Variants in ABCA13 observed in about 807,000 individuals in gnomAD.
ABCA13 encodes the protein ATP-binding cassette sub-family A member 13.
A neutral mutation model predicts 478.7 loss-of-function variants in ABCA13; 476 were observed. The ratio of observed to expected loss-of-function variants is 0.99; its 90% CI spans 0.92 to 1.07. The LOEUF is 1.07. ABCA13 is among the 50% of genes least tolerant of loss of function. The probability of loss-of-function intolerance (pLI) is 0.00; values close to 1 mark genes in which losing one functional copy is unlikely to be tolerated. For synonymous variants in ABCA13, 2,252 were observed against 2,158.9 expected, an observed-to-expected ratio of 1.04 and a Z score of -1.20; for missense variants, 6,060 against 5,910.6, an observed-to-expected ratio of 1.03 and a Z score of -0.83.
At chr7:48,541,533 A>G (rs1833940308) in intron 55 of ABCA13, among the ~76,000 whole-genome samples, 1 of 152,064 alleles carries the variant, frequency 6.6e-6, no homozygotes, top group Non-Finnish European at 1.5e-5. Context: ...AGAATCTAAG[A>G]TTCAGAAAAA....
At chr7:48,525,126 G>A (rs946190104) in intron 54 of ABCA13, among the ~76,000 whole-genome samples, 1 of 152,144 alleles carries the variant, frequency 6.6e-6, no homozygotes, top group South Asian at 2.1e-4. Flanking sequence ...CTGACAGTAG[G>A]TGTCTCAGAT....
At chr7:48,221,159 A>G in intron 4 of ABCA13, 122 bp from the exon 5 acceptor site, 1 of 536,518 alleles carries the variant, frequency 1.9e-6, no homozygotes, top group Non-Finnish European at 3.4e-6. Flanking sequence ...GTTTTGGTGT[A>G]TTTGATTTTT....
At chr7:48,488,223 G>A (rs986180283) in intron 47 of ABCA13, among the ~76,000 whole-genome samples, 5 of 151,464 alleles carry the variant, frequency 3.3e-5, no homozygotes, top group Admixed American at 1.3e-4. Context: ...ATTGTCTTGT[G>A]TAGTAGGGTT....
At chr7:48,590,910 C>G (rs1431655497) in intron 57 of ABCA13, among the ~76,000 whole-genome samples, 3 of 151,930 alleles carry the variant, frequency 2.0e-5, no homozygotes, top group African/African-American at 7.2e-5. Context: ...TATTTTATCC[C>G]CCGCTGTAGT....
chr7:48,407,692 G>A (rs1478406674), intron 39 of ABCA13, among the ~76,000 whole-genome samples: 3 of 151,542 alleles, frequency 2.0e-5, no homozygotes, highest in African/African-American at 7.3e-5. Flanking sequence ...AAGTAGCTGG[G>A]ATTACAGGTG....
chr7:48,583,884 C>G (rs577278593), intron 56 of ABCA13, among the ~76,000 whole-genome samples: 1 of 152,306 alleles, frequency 6.6e-6, no homozygotes, highest in South Asian at 2.1e-4. Context: ...ATTCAGAAAA[C>G]ATTGGATCAA....
At chr7:48,289,064 G>A (rs1798152307) in intron 20 of ABCA13, among the ~76,000 whole-genome samples, 1 of 152,282 alleles carries the variant, frequency 6.6e-6, no homozygotes, top group East Asian at 1.9e-4. Context: ...ATGATGCCGA[G>A]AGAGATGAGA....
In ABCA13 at chr7:48,335,410, T is replaced by C. The variant is rs762830718; in HGVS notation, c.10000-12T>C. On this transcript the variant is annotated splice_polypyrimidine_tract_variant and intron_variant, in intron 27 of 61. Transcript: ENST00000435803. The stretch of plus-strand genomic sequence containing the variant: ...GAATAAGAGACATATCCAAATATGC[T>C]TCATTTTGCAGGCTAATTACACCTT... The C allele has an allele frequency of 6.4e-7, 1 of 1,568,968 alleles. No individual in the cohort carries two copies. Among genetic ancestry groups the C allele is most frequent in the East Asian group, 2.3e-5 (1 of 44,160 alleles).
intron 42 of ABCA13, among the ~76,000 whole-genome samples, chr7:48,445,978 C>A (rs77142144): frequency 1.3e-5 from 2 of 152,182 alleles, no homozygotes; most frequent in African/African-American, 2.4e-5. Context: ...CTGGCCTTTG[C>A]GGGCTCTGTC....
chr7:48,318,374 A>T (rs1802888963), intron 27 of ABCA13, among the ~76,000 whole-genome samples: 1 of 151,650 alleles, frequency 6.6e-6, no homozygotes, highest in South Asian at 2.1e-4. Flanking sequence ...GGAGAGACAG[A>T]CTCTGGCTCT....
chr7:48,261,452 A>G (rs1201059099), intron 15 of ABCA13, among the ~76,000 whole-genome samples: 2 of 151,946 alleles, frequency 1.3e-5, no homozygotes, highest in Non-Finnish European at 2.9e-5. Context: ...CTTCTTTGGT[A>G]ATTTCAAACC....
chr7:48,308,268 G>C (rs2128875402), intron 23 of ABCA13, among the ~76,000 whole-genome samples: 1 of 152,238 alleles, frequency 6.6e-6, no homozygotes, highest in East Asian at 1.9e-4. Context: ...GCAATAACAT[G>C]CGTAGAGCTG....
intron 13 of ABCA13, among the ~76,000 whole-genome samples, chr7:48,246,658 G>A (rs1320171148): frequency 2.0e-5 from 3 of 152,070 alleles, no homozygotes; most frequent in Non-Finnish European, 1.5e-5. Flanking sequence ...AATGAAACTA[G>A]TGAAATATAA....
chr7:48,411,045 T>TTCTC (rs1491045808), intron 40 of ABCA13, among the ~76,000 whole-genome samples: 1 of 99,254 alleles, frequency 1.0e-5, no homozygotes, highest in African/African-American at 3.6e-5. Flanking sequence ...CTTTCTTTCT[T>TTCTC]TCTTTTTCTT....
rs1262618594 is a variant in ABCA13 at position 48,249,233 on chromosome 7, A to G, written c.1887A>G (p.Lys629=). 1 of 1,612,114 alleles carries G rather than the reference A, an allele frequency of 6.2e-7. No homozygotes were observed. The highest frequency in any genetic ancestry group is 8.5e-7 in the Non-Finnish European group (1 of 1,178,990). Residue 629 remains lysine (K), a synonymous_variant, in exon 15 of 62, where the codon AAA becomes AAG. Coordinates refer to ENST00000435803, the MANE Select transcript of ABCA13 (RefSeq NM_152701.5). ...VSTVIFHTLE[K]TQFFLEQAYY... is the part of the protein sequence containing the mutation. ...GCAGGATATTTCATACACTTGAAAA[A>G]ACACAATTTTTCCTGGAACAAGCAT... is the stretch of plus-strand genomic sequence containing the variant.
In ABCA13 at chr7:48,595,662, G is replaced by A. The variant is rs139163650; in HGVS notation, c.14744+849G>A. Among the ~76,000 whole-genome samples, 576 of 152,284 alleles carry A rather than the reference G, an allele frequency of 3.8e-3. 3 individuals are homozygous for A. The highest frequency in any genetic ancestry group is 0.031 in the Middle Eastern group (9 of 294). On this transcript the variant is annotated intron_variant, in intron 58 of 61. Coordinates refer to ENST00000435803, the MANE Select transcript of ABCA13 (RefSeq NM_152701.5). ...TTTCTCATTGGTTCCCTAAACCCCA[G>A]TTTCTATTGGACTAATGGATGCCTG...
chr7:48,454,705 C>G (rs906741266), intron 42 of ABCA13, among the ~76,000 whole-genome samples: 1 of 152,136 alleles, frequency 6.6e-6, no homozygotes, highest in African/African-American at 2.4e-5. Context: ...GAGTTAAGAA[C>G]AGAGAGGAAA....
Position 48,275,454 on chromosome 7 carries a change from C to T in ABCA13, c.5788C>T (p.Pro1930Ser). 6.2e-7 allele frequency: 1 copy of T among 1,613,924 alleles called. No individual in the cohort carries two copies. The highest frequency in any genetic ancestry group is 8.5e-7 in the Non-Finnish European group (1 of 1,179,864). ...FWHKILPFVPPSINQTRDSIS... is the reference protein window; with the variant it reads ...FWHKILPFVPSSINQTRDSIS... The stretch of plus-strand genomic sequence containing the variant: ...GCATAAGATATTACCGTTTGTCCCA[C>T]CTTCAATAAATCAAACTAGGGATAG... Residue 1930 changes from proline to serine, a missense_variant, in exon 17 of 62, where the codon CCT (proline) becomes TCT (serine). Pro to Ser is a moderately conservative substitution (Grantham distance 74). This residue lies in a region of ABCA13 where 4,423 missense variants were observed against 4,309.1 expected (regional missense o/e 1.03). Transcript: ENST00000435803.
At chr7:48,388,948 A>C in intron 36 of ABCA13, 92 bp from the exon 37 acceptor site, 1 of 1,443,988 alleles carries the variant, frequency 6.9e-7, no homozygotes, top group South Asian at 1.3e-5. Context: ...GCTGGAATTC[A>C]ATTTCAAAGC....
Sources: allele counts gnomAD v4.1 joint callset (sites outside exome capture counted in the v4.1 genomes callset), GRCh38; gene constraint gnomAD v4.1.1; regional missense constraint gnomAD v4.1.1; transcripts MANE v1.5; gene names NCBI Gene and HGNC (gene_info 2026-07-23, HGNC 2026-07-21).